ZNF280C: variants seen among roughly 807,000 people sequenced by gnomAD.
ZNF280C encodes suppressor of hairy wing homolog 3.
ZNF280C carries 14 observed loss-of-function variants against 53.6 expected under a neutral mutation model. The observed-to-expected ratio is 0.26, with a 90% CI of 0.17 to 0.41. The LOEUF (loss-of-function observed/expected upper bound fraction) is 0.41. Ranked by LOEUF, ZNF280C falls within the 10% of genes least tolerant of loss-of-function variation. The pLI, the probability that ZNF280C is intolerant of heterozygous loss-of-function variation, is 1.00. For synonymous variants in ZNF280C, 203 were observed against 181.1 expected (o/e 1.12, Z -0.97); for missense variants, 416 against 547.1 (o/e 0.76, Z 2.39).
rs188240899 is a variant in ZNF280C, at chrX:130,206,779, G to A, written c.2043-1364C>T. 5.5e-3 allele frequency among the ~76,000 whole-genome samples: 620 copies of A among 111,948 alleles called. 2 individuals are homozygous for A. Among genetic ancestry groups the A allele is most frequent in the African/African-American group, 0.019 (594 of 30,896 alleles). On this transcript the variant is annotated intron_variant, in intron 16 of 18. Coordinates refer to ENST00000370978, the MANE Select transcript of ZNF280C (RefSeq NM_017666.5). ...GTGCTTTCCCCATGAAATTTAGGGGGAAAGTCTCTTTTATGATGCCATTTC... is the reference window on the plus strand; with the variant it reads ...GTGCTTTCCCCATGAAATTTAGGGGAAAAGTCTCTTTTATGATGCCATTTC...
At chrX:130,233,178 T>C (rs913591424) in intron 8 of ZNF280C, among the ~76,000 whole-genome samples, 4 of 111,328 alleles carry the variant, frequency 3.6e-5, no homozygotes, top group Admixed American at 9.6e-5. Flanking sequence ...GAGAGTAGAA[T>C]TGTGATTGCC....
intron 1 of ZNF280C, among the ~76,000 whole-genome samples, chrX:130,260,802 T>C (rs944179588): frequency 1.1e-4 from 12 of 111,955 alleles, no homozygotes; most frequent in Non-Finnish European, 1.9e-4. Context: ...ATTTAACATA[T>C]AGTTAAATGT....
intron 13 of ZNF280C, among the ~76,000 whole-genome samples, chrX:130,219,314 A>C (rs1345359547): frequency 9.1e-6 from 1 of 109,698 alleles, no homozygotes; most frequent in Non-Finnish European, 1.9e-5. Flanking sequence ...GGCGAAACCC[A>C]GTCTCTATTA....
intron 6 of ZNF280C, among the ~76,000 whole-genome samples, chrX:130,238,715 T>C: frequency 9.0e-6 from 1 of 111,703 alleles, no homozygotes; most frequent in Non-Finnish European, 1.9e-5. Context: ...TCTAGATAAG[T>C]GACACCTAGA....
intron 11 of ZNF280C, among the ~76,000 whole-genome samples, chrX:130,227,201 C>T (rs209225): frequency 0.53 from 58,266 of 110,102 alleles, 12,604 homozygotes; most frequent in African/African-American, 0.83. Flanking sequence ...TTCTAAAAAG[C>T]TTTTCCTGCT....
chrX:130,264,024 C>CAAA (rs538734296), intron 1 of ZNF280C, among the ~76,000 whole-genome samples: 2,889 of 23,990 alleles, frequency 0.12, 103 homozygotes, highest in Non-Finnish European at 0.15. Flanking sequence ...GACACCATCT[C>CAAA]AAAAAAAAAA....
At chrX:130,247,611 T>C (rs2032463850) in intron 2 of ZNF280C, among the ~76,000 whole-genome samples, 1 of 111,891 alleles carries the variant, frequency 8.9e-6, no homozygotes, top group Non-Finnish European at 1.9e-5. Flanking sequence ...ATAGTAGTCA[T>C]TTACAGTGGC....
intron 12 of ZNF280C, among the ~76,000 whole-genome samples, chrX:130,220,820 T>A (rs1433679557): frequency 9.0e-6 from 1 of 111,678 alleles, no homozygotes; most frequent in Non-Finnish European, 1.9e-5. Context: ...AGCCCCATTA[T>A]TATTTTACCA....
At chrX:130,253,060 C>T (rs749343320) in intron 2 of ZNF280C, among the ~76,000 whole-genome samples, 11 of 112,200 alleles carry the variant, frequency 9.8e-5, no homozygotes, top group Non-Finnish European at 1.5e-4. Context: ...TAAACAACTT[C>T]AGCAAAGTCT....
intron 12 of ZNF280C, among the ~76,000 whole-genome samples, chrX:130,220,858 G>C (rs757543296): frequency 2.7e-5 from 3 of 111,025 alleles, no homozygotes; most frequent in Non-Finnish European, 3.8e-5. Context: ...AGAGAAATTT[G>C]CACTTGCCCA....
At chrX:130,248,330 T>C (rs1449268852) in intron 2 of ZNF280C, among the ~76,000 whole-genome samples, 4 of 107,519 alleles carry the variant, frequency 3.7e-5, no homozygotes, top group Middle Eastern at 4.2e-3. Flanking sequence ...AATGGGTGAG[T>C]TGAACTGGCA....
chrX:130,253,003 A>G (rs1391658561), intron 2 of ZNF280C, among the ~76,000 whole-genome samples: 4 of 111,940 alleles, frequency 3.6e-5, no homozygotes, highest in South Asian at 7.5e-4. Flanking sequence ...GCATGAGCCA[A>G]TATCTAGAAA....
chrX:130,259,681 A>G (rs1264445112), intron 2 of ZNF280C, among the ~76,000 whole-genome samples: 3 of 112,509 alleles, frequency 2.7e-5, no homozygotes, highest in African/African-American at 6.5e-5. Flanking sequence ...TAAACTAGGA[A>G]TATGTATTAC....
intron 16 of ZNF280C, among the ~76,000 whole-genome samples, chrX:130,206,523 C>T (rs1366234608): frequency 9.1e-6 from 1 of 109,785 alleles, no homozygotes; most frequent in Non-Finnish European, 1.9e-5. Flanking sequence ...CCTGCCACCA[C>T]GCCTGGCTAA....
In ZNF280C at chrX:130,256,768, G is replaced by A. The variant is rs181374536; in HGVS notation, c.31+3651C>T. Among the ~76,000 whole-genome samples, 24 of 108,871 alleles carry A rather than the reference G, an allele frequency of 2.2e-4. No homozygotes were observed. The East Asian group carries it at 2.6e-3, about 12-fold the overall frequency. 94.5% of individuals were successfully genotyped at this position (108,871 alleles called of 115,157 possible). A position where few individuals can be genotyped will look rare whatever the true frequency, so the allele number is the denominator to read the frequency against. ...ACAAAAATTTGCAGTGCATGGTGGC[G>A]CACACCTTTAATCCCAGCTAGGCGG... On this transcript the variant is annotated intron_variant, in intron 2 of 18. Coordinates refer to ENST00000370978, the MANE Select transcript of ZNF280C (RefSeq NM_017666.5).
intron 15 of ZNF280C, among the ~76,000 whole-genome samples, chrX:130,214,014 G>C (rs2032072580): frequency 9.0e-6 from 1 of 111,670 alleles, no homozygotes; most frequent in African/African-American, 3.3e-5. Flanking sequence ...TGCCCAGGCT[G>C]GTCTTGAACT....
chrX:130,234,423 T>C (rs2032310493), intron 8 of ZNF280C, among the ~76,000 whole-genome samples: 1 of 112,294 alleles, frequency 8.9e-6, no homozygotes, highest in African/African-American at 3.2e-5. Context: ...AATGTGAGAC[T>C]TGGATTCCCC....
Position 130,243,673 on chromosome X carries a change from T to C in ZNF280C, c.271A>G (p.Ser91Gly). The C allele has an allele frequency of 8.3e-7, 1 of 1,210,130 alleles. No homozygotes were observed. Among genetic ancestry groups the C allele is most frequent in the Non-Finnish European group, 1.1e-6 (1 of 894,638 alleles). Residue 91 changes from serine (S) to glycine (G), a missense_variant, in exon 5 of 19, where the codon AGT becomes GGT. By Grantham distance (56) the Ser-to-Gly change is moderately conservative. Coordinates refer to ENST00000370978, the MANE Select transcript of ZNF280C (RefSeq NM_017666.5). ...GATGGTGGGTCTCTGCAGCGTTGAC[T>C]TGCAGTCCTGAATATTTCAGGAATA... ...PGIPEIFRTA[S>G]QRCRDPPSNP...
chrX:130,260,375 C>CCTTTCAAAACT, intron 2 of ZNF280C, 44 bp downstream of exon 2: 1 of 1,142,372 alleles, frequency 8.8e-7, no homozygotes, highest in Non-Finnish European at 1.2e-6. Context: ...GTTTACAGTA[C>CCTTTCAAAACT]AAAAACCATG....
Sources: gnomAD v4.1 joint callset for allele counts (sites outside exome capture counted in the v4.1 genomes callset) on GRCh38, gnomAD v4.1.1 for gene constraint, MANE v1.5 for transcripts, NCBI Gene and HGNC (gene_info 2026-07-23, HGNC 2026-07-21) for gene names.